Variants in CASK observed in about 807,000 individuals in gnomAD.
The protein encoded by CASK is peripheral plasma membrane protein CASK.
In CASK, 4 loss-of-function variants were observed where a neutral mutation model predicts 82.9. The observed-to-expected ratio is 0.05, with a 90% CI of 0.02 to 0.11. The LOEUF is 0.11. CASK is among the 10% of genes least tolerant of loss of function. The pLI is 1.00. For missense variants in CASK, 358 were observed against 720.9 expected (o/e 0.50, Z 5.76); for synonymous variants, 259 against 253.5 (o/e 1.02, Z -0.20).
At chrX:41,712,532 T>C (rs2067995435) in intron 5 of CASK, among the ~76,000 whole-genome samples, 1 of 112,427 alleles carries the variant, frequency 8.9e-6, no homozygotes, top group Non-Finnish European at 1.9e-5. Context: ...CCTAACCAAC[T>C]CCATCTTGCT....
chrX:41,850,683 C>T (rs1185682015), intron 2 of CASK, among the ~76,000 whole-genome samples: 1 of 111,146 alleles, frequency 9.0e-6, no homozygotes, highest in Non-Finnish European at 1.9e-5. Flanking sequence ...GCATCTCCTT[C>T]TATGCTAAGC....
At chrX:41,663,103 A>G (rs902563161) in intron 7 of CASK, among the ~76,000 whole-genome samples, 1 of 111,338 alleles carries the variant, frequency 9.0e-6, no homozygotes, top group African/African-American at 3.3e-5. Flanking sequence ...GCTTTAAAAT[A>G]ATGTAATAAT....
intron 8 of CASK, among the ~76,000 whole-genome samples, chrX:41,638,950 T>C (rs142387779): frequency 9.0e-6 from 1 of 111,530 alleles, no homozygotes; most frequent in East Asian, 2.8e-4. Context: ...GTGCCCATCA[T>C]TCAAATAGTG....
chrX:41,823,406 A>G lies in CASK; in HGVS notation c.172+29709T>C, dbSNP rs752479037. ...TGGAATCCTTCCCATTTTAATCGCT[A>G]CCCCTGCCTCCACATGCCCCTGCAT... On this transcript the variant is annotated intron_variant, in intron 2 of 26. Coordinates refer to ENST00000378163, the MANE Select transcript of CASK (RefSeq NM_001367721.1). 6.4e-5 allele frequency among the ~76,000 whole-genome samples: 7 copies of G among 108,624 alleles called. 1 individual carries two copies. The South Asian group carries it at 2.8e-3, about 44-fold the overall frequency. 94.3% of individuals were successfully genotyped at this position (108,624 alleles called of 115,157 possible).
chrX:41,680,713 C>G (rs1313472220), intron 5 of CASK, among the ~76,000 whole-genome samples: 2 of 109,376 alleles, frequency 1.8e-5, no homozygotes, highest in East Asian at 2.9e-4. Flanking sequence ...GTCGGGAGTT[C>G]AAGACCAGCC....
intron 16 of CASK, among the ~76,000 whole-genome samples, chrX:41,568,332 C>T (rs1427225966): frequency 9.0e-6 from 1 of 110,853 alleles, no homozygotes; most frequent in Non-Finnish European, 1.9e-5. Context: ...ACAAAAAACA[C>T]ATACTGGAAT....
At chrX:41,805,803 A>G (rs764174669) in intron 2 of CASK, among the ~76,000 whole-genome samples, 229 of 111,416 alleles carry the variant, frequency 2.1e-3, no homozygotes, top group African/African-American at 7.1e-3. Flanking sequence ...TGTAACCAAG[A>G]TGACTTTAAG....
At chrX:41,562,099 GGC>G (rs1177816247) in intron 16 of CASK, 8 of 119,612 alleles carry the variant, frequency 6.7e-5, no homozygotes, top group Non-Finnish European at 1.7e-5. Flanking sequence ...AAATGCAGAA[GGC>G]TTAGAACTGT....
chrX:41,829,911 T>C (rs899315000), intron 2 of CASK, among the ~76,000 whole-genome samples: 3 of 102,586 alleles, frequency 2.9e-5, no homozygotes, highest in Non-Finnish European at 5.9e-5. Context: ...AATGCAGTGG[T>C]ATCTGGTTTT....
At chrX:41,909,896 C>T (rs1451511194) in intron 1 of CASK, among the ~76,000 whole-genome samples, 3 of 111,245 alleles carry the variant, frequency 2.7e-5, no homozygotes, top group Non-Finnish European at 3.8e-5. Flanking sequence ...TGTGAGCCAC[C>T]GTGCCCAGCC....
intron 1 of CASK, among the ~76,000 whole-genome samples, chrX:41,889,037 A>G (rs2072113267): frequency 9.1e-6 from 1 of 109,402 alleles, no homozygotes; most frequent in Non-Finnish European, 1.9e-5. Context: ...CAAACGGTAG[A>G]TCTACTTTTA....
At chrX:41,720,926 C>T (rs776303602) in intron 5 of CASK, among the ~76,000 whole-genome samples, 14 of 111,655 alleles carry the variant, frequency 1.3e-4, no homozygotes, top group African/African-American at 4.2e-4. Context: ...AATTTTGGGG[C>T]CAGATTAAAA....
At chrX:41,914,770 A>T (rs1569482342) in intron 1 of CASK, among the ~76,000 whole-genome samples, 1 of 112,208 alleles carries the variant, frequency 8.9e-6, no homozygotes, top group Non-Finnish European at 1.9e-5. Context: ...AGGAAAACCA[A>T]ATGATTTTAC....
At chrX:41,603,934 T>A (rs1350166320) in intron 12 of CASK, among the ~76,000 whole-genome samples, 1 of 111,735 alleles carries the variant, frequency 8.9e-6, no homozygotes, top group Non-Finnish European at 1.9e-5. Context: ...TGAAAACTAC[T>A]ACCAAATAAT....
intron 5 of CASK, chrX:41,696,199 T>C (rs754303572): frequency 1.6e-5 from 19 of 1,204,036 alleles, no homozygotes; most frequent in Non-Finnish European, 1.8e-5. Flanking sequence ...TTCCTAACTA[T>C]GATTATTTTA....
At chrX:41,769,806 G>A (rs899843609) in intron 3 of CASK, among the ~76,000 whole-genome samples, 2 of 110,452 alleles carry the variant, frequency 1.8e-5, no homozygotes, top group African/African-American at 6.6e-5. Context: ...TTAAGTGGCT[G>A]TGGTGGTGTG....
intron 2 of CASK, among the ~76,000 whole-genome samples, chrX:41,818,145 C>CTGTGTGTGTGTGTGTG (rs59931187): frequency 3.9e-4 from 33 of 85,425 alleles, no homozygotes; most frequent in African/African-American, 1.3e-3. Context: ...AGGAGGCCTT[C>CTGTGTGTGTGTGTGTG]TGTGTGTGTG....
intron 2 of CASK, among the ~76,000 whole-genome samples, chrX:41,787,958 C>T (rs2069646567): frequency 9.1e-6 from 1 of 110,077 alleles, no homozygotes; most frequent in Admixed American, 9.8e-5. Flanking sequence ...GAGTTTGAGA[C>T]AAGCCTGGCC....
intron 5 of CASK, chrX:41,695,733 C>A: frequency 1.7e-6 from 2 of 1,208,715 alleles, no homozygotes; most frequent in Non-Finnish European, 2.2e-6. Flanking sequence ...CGACCAACCG[C>A]CACAAAACTT....
Sources: gnomAD v4.1 joint callset for allele counts (sites outside exome capture counted in the v4.1 genomes callset) on GRCh38, gnomAD v4.1.1 for gene constraint, MANE v1.5 for transcripts, NCBI Gene and HGNC (gene_info 2026-07-23, HGNC 2026-07-21) for gene names.